The following CLDN12 variants were observed in gnomAD, a reference collection of about 807,000 sequenced individuals.
CLDN12 encodes the protein claudin 12.
CLDN12 carries 9 observed loss-of-function variants against 15.5 expected under a neutral mutation model. The observed-to-expected ratio is 0.58, with a 90% CI of 0.35 to 1.02. The LOEUF is 1.02. Ranked by LOEUF, CLDN12 falls within the 50% of genes least tolerant of loss-of-function variation. CLDN12 has a pLI of 0.02. For synonymous variants in CLDN12, 140 were observed against 121.6 expected (o/e 1.15, Z -1.00); for missense variants, 233 against 297.3 (o/e 0.78, Z 1.59).
intron 1 of CLDN12, among the ~76,000 whole-genome samples, chr7:90,404,318 A>T (rs1002255057): frequency 1.3e-5 from 2 of 152,180 alleles, no homozygotes; most frequent in African/African-American, 4.8e-5. Flanking sequence ...ATCTCCGAGC[A>T]GCCAGTTGCA....
chr7:90,404,402 T>C (rs1383082591), intron 1 of CLDN12, among the ~76,000 whole-genome samples: 2 of 152,140 alleles, frequency 1.3e-5, no homozygotes, highest in South Asian at 2.1e-4. Context: ...CAGGCGCACA[T>C]AATAATGAGT....
chr7:90,413,699 T>C lies in CLDN12; in HGVS notation c.*288T>C. ...GGCCTGCATCACAATTGAGGTAATG[T>C]AGAGCAACATGTTAAAGAATGATGG... On this transcript the variant is annotated 3_prime_UTR_variant, in exon 4 of 4. Transcript: ENST00000496677. 2.6e-6 allele frequency: 3 copies of C among 1,133,434 alleles called. No homozygotes were observed. The highest frequency in any genetic ancestry group is 3.3e-6 in the Non-Finnish European group (3 of 916,494). The allele number at this position is 1,133,434 out of a possible 1,614,324, so 70.2% of individuals were successfully genotyped here.
At chr7:90,407,830 G>A (rs749155569) in intron 2 of CLDN12, among the ~76,000 whole-genome samples, 32 of 152,152 alleles carry the variant, frequency 2.1e-4, no homozygotes, top group Non-Finnish European at 4.7e-4. Context: ...CATGAGGGAA[G>A]GCCCTTAACC....
intron 1 of CLDN12, among the ~76,000 whole-genome samples, chr7:90,403,940 G>GGTCT (rs1796784009): frequency 6.6e-6 from 1 of 151,176 alleles, no homozygotes; most frequent in Admixed American, 6.6e-5. Context: ...CTCTCCATTG[G>GGTCT]CTCTAACTAG....
At chr7:90,409,243 CAG>C (rs1434866788) in intron 2 of CLDN12, 3 of 152,160 alleles carry the variant, frequency 2.0e-5, no homozygotes, top group Admixed American at 1.3e-4. Flanking sequence ...TGTTTTGAGA[CAG>C]AGTCTCGTGC....
intron 2 of CLDN12, among the ~76,000 whole-genome samples, chr7:90,408,193 T>C (rs1364784385): frequency 1.3e-5 from 2 of 152,192 alleles, no homozygotes; most frequent in Non-Finnish European, 2.9e-5. Flanking sequence ...AAACATATTC[T>C]TTCCCCAAAC....
At chr7:90,404,034 G>T (rs550064354) in intron 1 of CLDN12, among the ~76,000 whole-genome samples, 1 of 150,414 alleles carries the variant, frequency 6.6e-6, no homozygotes, top group Non-Finnish European at 1.5e-5. Context: ...GGAGGCGGAG[G>T]GGGGAGGAGG....
Position 90,413,453 on chromosome 7 carries a change from C to G in CLDN12, c.*42C>G. ...TGTTAAAGAAAACTTCTTGTAGCCT[C>G]ACATTCCCCTTGTGCAAAGAGCTCT... On this transcript the variant is annotated 3_prime_UTR_variant, in exon 4 of 4. Coordinates refer to ENST00000496677, the MANE Select transcript of CLDN12 (RefSeq NM_001185072.3). 1 of 1,587,104 alleles carries G rather than the reference C, an allele frequency of 6.3e-7. No individual in the cohort carries two copies. Among genetic ancestry groups the G allele is most frequent in the Non-Finnish European group, 8.6e-7 (1 of 1,165,530 alleles).
intron 1 of CLDN12, among the ~76,000 whole-genome samples, chr7:90,405,038 G>A (rs903891948): frequency 2.6e-5 from 4 of 151,856 alleles, no homozygotes; most frequent in African/African-American, 9.7e-5. Flanking sequence ...GACAACACGT[G>A]TGCACCATCA....
chr7:90,409,230 G>C (rs1796906516), intron 2 of CLDN12: 1 of 152,168 alleles, frequency 6.6e-6, no homozygotes, highest in South Asian at 2.1e-4. Flanking sequence ...TTGTTTGTTT[G>C]TTTGTTTTGA....
rs138599240 is a variant in CLDN12, at chr7:90,403,933, T to C, written c.-167+384T>C. The stretch of plus-strand genomic sequence containing the variant: ...TTAACAGTCACTGTTGCGGTCTCTC[T>C]CCATTGGCTCTAACTAGTAGGGCGT... On this transcript the variant is annotated intron_variant, in intron 1 of 3. Transcript: ENST00000496677. 1.6e-4 allele frequency among the ~76,000 whole-genome samples: 24 copies of C among 151,726 alleles called. 1 individual carries two copies. In the East Asian group the frequency reaches 3.7e-3, roughly 23 times the overall value.
intron 2 of CLDN12, among the ~76,000 whole-genome samples, chr7:90,410,381 T>C (rs1344723872): frequency 1.3e-5 from 2 of 152,192 alleles, no homozygotes; most frequent in Non-Finnish European, 2.9e-5. Flanking sequence ...CTAATACTAA[T>C]GGAAAAACTT....
chr7:90,409,944 G>A (rs758843076), intron 2 of CLDN12, among the ~76,000 whole-genome samples: 34 of 152,192 alleles, frequency 2.2e-4, no homozygotes, highest in Non-Finnish European at 4.7e-4. Context: ...CTTGCTGAAT[G>A]AATGATTGCT....
intron 2 of CLDN12, among the ~76,000 whole-genome samples, chr7:90,406,680 A>G (rs1034260889): frequency 6.6e-6 from 1 of 152,214 alleles, no homozygotes; most frequent in Admixed American, 6.5e-5. Context: ...GACATAAGTG[A>G]CTTGTCCAGT....
chr7:90,410,879 C>T (rs545874026), intron 2 of CLDN12, among the ~76,000 whole-genome samples: 2 of 152,112 alleles, frequency 1.3e-5, no homozygotes, highest in South Asian at 4.2e-4. Context: ...TGCTTATGGT[C>T]CCAGCTACTC....
In CLDN12 at chr7:90,412,758, A is replaced by T; in HGVS notation, c.82A>T (p.Thr28Ser). The T allele has an allele frequency of 1.9e-6, 3 of 1,614,020 alleles. No homozygotes were observed. Among genetic ancestry groups the T allele is most frequent in the Non-Finnish European group, 2.5e-6 (3 of 1,179,990 alleles). ...IASVAGLFAG[T>S]LLPNWRKLRL... Reference sequence around the variant, plus strand: ...CTCAGTAGCAGGCCTCTTTGCAGGGACTCTGCTTCCCAACTGGAGAAAATT... The same window carrying T: ...CTCAGTAGCAGGCCTCTTTGCAGGGTCTCTGCTTCCCAACTGGAGAAAATT... Residue 28 changes from threonine to serine, a missense_variant, in exon 4 of 4, where the codon ACT becomes TCT. Thr to Ser is a moderately conservative substitution (Grantham distance 58). Transcript: ENST00000496677.
chr7:90,413,792 C>G lies in CLDN12; in HGVS notation c.*381C>G, dbSNP rs775800641. 4.0e-6 allele frequency: 4 copies of G among 1,009,148 alleles called. No homozygotes were observed. Among genetic ancestry groups the G allele is most frequent in the Non-Finnish European group, 4.8e-6 (4 of 836,140 alleles). The allele number at this position is 1,009,148 out of a possible 1,614,324, so 62.5% of individuals were successfully genotyped here. A position where few individuals can be genotyped will look rare whatever the true frequency, so the allele number is the denominator to read the frequency against. ...GTGTATTTTTCTTTTTCTATAATAC[C>G]TTTAACTGCAAAGAAAAGGCAGTTT... On this transcript the variant is annotated 3_prime_UTR_variant, in exon 4 of 4. Transcript: ENST00000496677.
chr7:90,415,710 C>T lies in CLDN12; in HGVS notation c.*2299C>T, dbSNP rs1158273121. The T allele has an allele frequency of 6.0e-6, 1 of 167,002 alleles. No individual in the cohort carries two copies. The highest frequency in any genetic ancestry group is 1.5e-5 in the Non-Finnish European group (1 of 68,112). 10.3% of individuals were successfully genotyped at this position (167,002 alleles called of 1,614,324 possible). On this transcript the variant is annotated 3_prime_UTR_variant, in exon 4 of 4. Coordinates refer to ENST00000496677, the MANE Select transcript of CLDN12 (RefSeq NM_001185072.3). ...AGCTCTCATTGTGATGGGAGGGATA[C>T]CTTTTTGTTGTTAAAAGCCTATTAT...
intron 1 of CLDN12, among the ~76,000 whole-genome samples, chr7:90,404,050 G>A (rs1796786747): frequency 6.7e-6 from 1 of 148,984 alleles, no homozygotes; most frequent in Admixed American, 6.7e-5. Context: ...GGAGGGGGGC[G>A]GAGGGGGATG....
Sources: gnomAD v4.1 joint callset for allele counts (sites outside exome capture counted in the v4.1 genomes callset) on GRCh38, gnomAD v4.1.1 for gene constraint, MANE v1.5 for transcripts, NCBI Gene and HGNC (gene_info 2026-07-23, HGNC 2026-07-21) for gene names.